The following PCDHGB1 variants were observed in gnomAD, a reference collection of about 807,000 sequenced individuals.
The protein encoded by PCDHGB1 is protocadherin gamma subfamily B, 1.
A neutral mutation model predicts 56.6 loss-of-function variants in PCDHGB1; 34 were observed. The ratio of observed to expected loss-of-function variants is 0.60; its 90% CI spans 0.46 to 0.80. PCDHGB1 has a LOEUF of 0.80. Ranked by LOEUF, PCDHGB1 falls within the 30% of genes least tolerant of loss-of-function variation. The probability of loss-of-function intolerance (pLI) is 0.00; values close to 1 mark genes in which losing one functional copy is unlikely to be tolerated. For missense variants in PCDHGB1, 1,278 were observed against 1,204.6 expected (o/e 1.06, Z -0.90); for synonymous variants, 561 against 505.9 (o/e 1.11, Z -1.46).
Position 141,350,184 on chromosome 5 carries a change from TCACAGAAGTC to T in PCDHGB1, c.-74_-65del. 1 of 1,346,586 alleles carries T rather than the reference TCACAGAAGTC, an allele frequency of 7.4e-7. No individual in the cohort carries two copies. Among genetic ancestry groups the T allele is most frequent in the Non-Finnish European group, 9.9e-7 (1 of 1,012,372 alleles). The allele number at this position is 1,346,586 out of a possible 1,614,324, so 83.4% of individuals were successfully genotyped here. Reference sequence around the variant, plus strand: ...CTAACTAATAAGTCCTAAGCTCAAATCACAGAAGTCCAGGGTGCTGCCATTTCTTTTTGAA... The same window carrying T: ...CTAACTAATAAGTCCTAAGCTCAAATCAGGGTGCTGCCATTTCTTTTTGAA... On this transcript the variant is annotated 5_prime_UTR_variant, in exon 1 of 4. Coordinates refer to ENST00000523390, the MANE Select transcript of PCDHGB1 (RefSeq NM_018922.3).
intron 1 of PCDHGB1, chr5:141,360,991 G>A (rs773432270): frequency 1.9e-6 from 3 of 1,613,428 alleles, no homozygotes; most frequent in Non-Finnish European, 2.5e-6. Flanking sequence ...TAATGTGGAC[G>A]AACAAGTGAA....
intron 1 of PCDHGB1, among the ~76,000 whole-genome samples, chr5:141,425,471 T>A (rs2096877403): frequency 6.6e-6 from 1 of 152,218 alleles, no homozygotes; most frequent in African/African-American, 2.4e-5. Flanking sequence ...TGTTATTAAT[T>A]CCTATGGCAA....
At chr5:141,371,918 C>G in intron 1 of PCDHGB1, 7 of 1,613,372 alleles carry the variant, frequency 4.3e-6, no homozygotes, top group Non-Finnish European at 5.1e-6. Context: ...TGTCCGTGAG[C>G]GCGCGGAGCG....
At position 141,351,758 on chromosome 5, in the gene PCDHGB1, T is replaced by C. The variant is rs765031042; in HGVS notation, c.1498T>C (p.Tyr500His). 6.2e-7 allele frequency: 1 copy of C among 1,613,626 alleles called. No homozygotes were observed. The highest frequency in any genetic ancestry group is 8.5e-7 in the Non-Finnish European group (1 of 1,179,902). ...CCTGGAGCCGCGGGAGCTGTTGTCC[T>C]ACGTGTCCGTGAGCCCGCAGAGCGG... ...SDLEPRELLS[Y>H]VSVSPQSGVV... Residue 500 changes from tyrosine to histidine, a missense_variant, in exon 1 of 4, where the codon TAC becomes CAC. Transcript: ENST00000523390.
chr5:141,507,202 C>G (rs2099859138), intron 3 of PCDHGB1: 1 of 152,356 alleles, frequency 6.6e-6, no homozygotes, highest in Non-Finnish European at 1.5e-5. Flanking sequence ...TCTTCCAGAT[C>G]AGGGTTGCCA....
intron 1 of PCDHGB1, among the ~76,000 whole-genome samples, chr5:141,363,857 T>C (rs1243466547): frequency 6.6e-6 from 1 of 152,164 alleles, no homozygotes; most frequent in African/African-American, 2.4e-5. Context: ...GGACTAAATA[T>C]AGATAAGAGG....
intron 1 of PCDHGB1, chr5:141,479,646 A>G (rs2099501987): frequency 6.6e-6 from 1 of 152,256 alleles, no homozygotes; most frequent in Admixed American, 6.5e-5. Context: ...CAACAACAAC[A>G]ACAACAATCC....
chr5:141,495,424 A>C (rs927637242), intron 2 of PCDHGB1, among the ~76,000 whole-genome samples: 1 of 152,088 alleles, frequency 6.6e-6, no homozygotes, highest in African/African-American at 2.4e-5. Context: ...CCCTCCTCCC[A>C]CTGTCCTCTG....
rs1485715812 is a variant in PCDHGB1, at chr5:141,485,804, G to T, written c.2410-9003G>T. The T allele has an allele frequency of 6.2e-7, 1 of 1,614,218 alleles. No individual in the cohort carries two copies. The highest frequency in any genetic ancestry group is 1.7e-5 in the Admixed American group (1 of 60,026). ...AGAGAAGCAATCGGACTACCGCCTG[G>T]TGCTGACTGCTGTCGATGGAGGGAA... On this transcript the variant is annotated intron_variant, in intron 1 of 3. Coordinates refer to ENST00000523390, the MANE Select transcript of PCDHGB1 (RefSeq NM_018922.3). This position sits in a 1 kb window ranked among gnomAD's most constrained non-coding sequence, Gnocchi z 5.7.
intron 1 of PCDHGB1, among the ~76,000 whole-genome samples, chr5:141,434,054 C>T (rs1241950753): frequency 6.6e-6 from 1 of 152,094 alleles, no homozygotes; most frequent in Non-Finnish European, 1.5e-5. Flanking sequence ...ATTCAATGGC[C>T]TGTAATCTGT....
intron 1 of PCDHGB1, chr5:141,413,667 G>A: frequency 6.2e-7 from 1 of 1,613,836 alleles, no homozygotes; most frequent in Non-Finnish European, 8.5e-7. Flanking sequence ...CTATTGATCC[G>A]GATGTGGGCG....
Position 141,389,732 on chromosome 5 carries a change from C to T in PCDHGB1, c.2409+37063C>T, listed in dbSNP as rs765577336. 11 of 1,612,674 alleles carry T rather than the reference C, an allele frequency of 6.8e-6. No homozygotes were observed. The South Asian group carries it at 1.2e-4, about 18-fold the overall frequency. ...AGGCTAGCGAGCCCGGGCTCTTCAGCCTGGGGCTGCGCACGGGCGAAGTGC... is the reference window on the plus strand; with the variant it reads ...AGGCTAGCGAGCCCGGGCTCTTCAGTCTGGGGCTGCGCACGGGCGAAGTGC... On this transcript the variant is annotated intron_variant, in intron 1 of 3. Transcript: ENST00000523390.
intron 1 of PCDHGB1, among the ~76,000 whole-genome samples, chr5:141,443,832 A>G (rs2098407108): frequency 6.6e-6 from 1 of 152,224 alleles, no homozygotes; most frequent in African/African-American, 2.4e-5. Context: ...ATTAGGTAAA[A>G]TGGGTAATAT....
At chr5:141,362,544 T>C (rs774611354) in intron 1 of PCDHGB1, 7 of 1,613,662 alleles carry the variant, frequency 4.3e-6, no homozygotes, top group East Asian at 2.2e-5. Context: ...TTGCCTCAGA[T>C]ACTATTTTGA....
At chr5:141,388,251 A>G in intron 1 of PCDHGB1, 1 of 1,610,692 alleles carries the variant, frequency 6.2e-7, no homozygotes, top group Non-Finnish European at 8.5e-7. Flanking sequence ...GAATGTGGAG[A>G]TCGAGGACAT....
intron 1 of PCDHGB1, chr5:141,423,804 T>A: frequency 8.1e-7 from 1 of 1,240,508 alleles, no homozygotes; most frequent in Non-Finnish European, 1.0e-6. Context: ...GAGCAATACA[T>A]GTGAGTTTTA....
chr5:141,436,267 T>C (rs2097805427), intron 1 of PCDHGB1, among the ~76,000 whole-genome samples: 1 of 152,198 alleles, frequency 6.6e-6, no homozygotes, highest in South Asian at 2.1e-4. Flanking sequence ...TCTGCTCACC[T>C]AACTTGATTT....
chr5:141,409,014 AG>A, intron 1 of PCDHGB1: 1 of 1,614,014 alleles, frequency 6.2e-7, no homozygotes, highest in Non-Finnish European at 8.5e-7. Context: ...GACCAGGATG[AG>A]GGGGTCAATG....
At chr5:141,389,514 G>C (rs1030106901) in intron 1 of PCDHGB1, 2 of 1,613,132 alleles carry the variant, frequency 1.2e-6, no homozygotes, top group Non-Finnish European at 1.7e-6. Flanking sequence ...CAGCGCGAAC[G>C]TGAGCCTGCG....
Sources: gnomAD v4.1 joint callset for allele counts (sites outside exome capture counted in the v4.1 genomes callset) on GRCh38, gnomAD v4.1.1 for gene constraint, Gnocchi (gnomAD v3.1) non-coding constraint, MANE v1.5 for transcripts, NCBI Gene and HGNC (gene_info 2026-07-23, HGNC 2026-07-21) for gene names.